NUP58: variants seen among roughly 807,000 people sequenced by gnomAD.
NUP58 encodes the protein nucleoporin 58.
In NUP58, 17 loss-of-function variants were observed where a neutral mutation model predicts 70.1. The observed-to-expected ratio is 0.24, with a 90% CI of 0.17 to 0.36. The LOEUF is 0.36. NUP58 is among the 10% of genes least tolerant of loss of function. The probability of loss-of-function intolerance (pLI) is 1.00; values close to 1 mark genes in which losing one functional copy is unlikely to be tolerated. For synonymous variants in NUP58, 275 were observed against 257.6 expected (o/e 1.07, Z -0.65); for missense variants, 644 against 701.5 (o/e 0.92, Z 0.93).
chr13:25,333,753 T>G, intron 13 of NUP58: 1 of 985,394 alleles, frequency 1.0e-6, no homozygotes, highest in Non-Finnish European at 1.2e-6. Flanking sequence ...TTATCCCTTA[T>G]GCCCTGTGAC....
chr13:25,325,227 T>G (rs543205078), intron 10 of NUP58, among the ~76,000 whole-genome samples, 159 bp downstream of exon 10: 1 of 152,220 alleles, frequency 6.6e-6, no homozygotes, highest in Admixed American at 6.5e-5. Context: ...CCTAAAAAGG[T>G]TTATCTCCAT....
At chr13:25,333,554 T>C in intron 13 of NUP58, 1 of 985,352 alleles carries the variant, frequency 1.0e-6, no homozygotes, top group Non-Finnish European at 1.2e-6. Flanking sequence ...ACTGAGAAGC[T>C]AAACAACAGT....
intron 9 of NUP58, among the ~76,000 whole-genome samples, chr13:25,321,342 G>C (rs1340057382): frequency 1.3e-5 from 2 of 152,080 alleles, no homozygotes; most frequent in Admixed American, 1.3e-4. Flanking sequence ...CAACAAGGTA[G>C]GAATTATTAT....
At chr13:25,332,052 A>C (rs150619871) in intron 13 of NUP58, 6 of 1,005,988 alleles carry the variant, frequency 6.0e-6, no homozygotes, top group Non-Finnish European at 4.8e-6. Flanking sequence ...TTGAAGATCA[A>C]TAGGCTTGTT....
intron 2 of NUP58, chr13:25,308,219 G>T: frequency 3.8e-6 from 1 of 265,648 alleles, no homozygotes; most frequent in South Asian, 1.2e-4. Context: ...CCTTAGTGGA[G>T]ATTGTGGTTT....
Position 25,307,787 on chromosome 13 carries a change from T to C in NUP58, c.108-19T>C, listed in dbSNP as rs2030445549. ...TTTGTGCATGTGATTTTTGTTTTGTTTTTGTTTCTTTAAATAAGCAACCCT... is the reference window on the plus strand; with the variant it reads ...TTTGTGCATGTGATTTTTGTTTTGTCTTTGTTTCTTTAAATAAGCAACCCT... On this transcript the variant is annotated intron_variant, in intron 1 of 15. Transcript: ENST00000381736. The C allele has an allele frequency of 1.2e-6, 2 of 1,612,908 alleles. No individual in the cohort carries two copies. Among genetic ancestry groups the C allele is most frequent in the Non-Finnish European group, 1.7e-6 (2 of 1,179,566 alleles).
chr13:25,346,352 CAGTCTATGTAG>C (rs2032050397), downstream of NUP58, among the ~76,000 whole-genome samples: 1 of 152,102 alleles, frequency 6.6e-6, no homozygotes, highest in Non-Finnish European at 1.5e-5. Context: ...CAAACCCAGG[CAGTCTATGTAG>C]AGTCTATGTA....
chr13:25,320,149 A>G (rs2031119396), intron 7 of NUP58: 1 of 161,118 alleles, frequency 6.2e-6, no homozygotes, highest in Non-Finnish European at 1.3e-5. Context: ...TAATGAATAC[A>G]TTAATATTTT....
chr13:25,339,614 T>A (rs1230668350), intron 15 of NUP58, among the ~76,000 whole-genome samples: 1 of 152,226 alleles, frequency 6.6e-6, no homozygotes, highest in African/African-American at 2.4e-5. Context: ...TGAATGTCTC[T>A]CTTCTACATG....
intron 1 of NUP58, 92 bp downstream of exon 1, chr13:25,301,972 C>T (rs570890079): frequency 2.4e-5 from 20 of 821,610 alleles, no homozygotes; most frequent in Non-Finnish European, 3.4e-5. Context: ...TCTCTTCCCT[C>T]TGGCTTCCTT....
chr13:25,306,458 A>G (rs1366693432), intron 1 of NUP58, among the ~76,000 whole-genome samples: 1 of 151,980 alleles, frequency 6.6e-6, no homozygotes, highest in East Asian at 1.9e-4. Context: ...GCAGATGAGG[A>G]AATAGAGGCT....
At chr13:25,313,269 A>G (rs1410725982) in intron 4 of NUP58, among the ~76,000 whole-genome samples, 1 of 152,232 alleles carries the variant, frequency 6.6e-6, no homozygotes, top group Admixed American at 6.5e-5. Context: ...TGAAGGAGGC[A>G]TTTAGTGACA....
chr13:25,336,032 C>T (rs2031768918), intron 13 of NUP58: 2 of 1,163,114 alleles, frequency 1.7e-6, no homozygotes, highest in South Asian at 3.4e-5. Flanking sequence ...CTATTCTTGC[C>T]AAACAAACTC....
intron 3 of NUP58, among the ~76,000 whole-genome samples, chr13:25,348,147 T>G (rs1300603499): frequency 6.6e-6 from 1 of 152,152 alleles, no homozygotes; most frequent in Non-Finnish European, 1.5e-5. Flanking sequence ...CTATTTAAAT[T>G]TAAAAACTGA....
In NUP58 at chr13:25,337,038, C is replaced by T. The variant is rs1315339377; in HGVS notation, c.1534+4C>T. The T allele has an allele frequency of 5.7e-6, 9 of 1,574,238 alleles. No homozygotes were observed. The highest frequency in any genetic ancestry group is 2.3e-5 in the East Asian group (1 of 43,978). ...TTAGGTTCTTCAAACCTTGGAGGTACACTTTAACTTTTCTAATATTTCATT... is the reference window on the plus strand; with the variant it reads ...TTAGGTTCTTCAAACCTTGGAGGTATACTTTAACTTTTCTAATATTTCATT... On this transcript the variant is annotated splice_donor_region_variant and intron_variant, in intron 14 of 15. Coordinates refer to ENST00000381736, the MANE Select transcript of NUP58 (RefSeq NM_014089.4).
At chr13:25,302,804 G>A (rs1021088169) in intron 1 of NUP58, 20 of 370,226 alleles carry the variant, frequency 5.4e-5, no homozygotes, top group African/African-American at 4.2e-4. Context: ...GAGGAACCAC[G>A]GACTACACAG....
intron 5 of NUP58, 41 bp downstream of exon 5, chr13:25,313,792 T>C (rs1384023112): frequency 7.0e-7 from 1 of 1,422,958 alleles, no homozygotes; most frequent in Non-Finnish European, 9.3e-7. Flanking sequence ...TAAATATTTA[T>C]ATTTAAATGT....
At chr13:25,328,911 T>C (rs983588789) in intron 12 of NUP58, among the ~76,000 whole-genome samples, 3 of 152,212 alleles carry the variant, frequency 2.0e-5, no homozygotes, top group Non-Finnish European at 4.4e-5. Context: ...ATTGGAATTA[T>C]CAACATTTTC....
chr13:25,326,013 A>G (rs1259724567), intron 10 of NUP58, among the ~76,000 whole-genome samples: 6 of 152,190 alleles, frequency 3.9e-5, no homozygotes, highest in Non-Finnish European at 8.8e-5. Context: ...CTATGTGTGT[A>G]TATACATTTC....
Sources: allele counts gnomAD v4.1 joint callset (sites outside exome capture counted in the v4.1 genomes callset), GRCh38; gene constraint gnomAD v4.1.1; transcripts MANE v1.5; gene names NCBI Gene and HGNC (gene_info 2026-07-23, HGNC 2026-07-21).